Variants in JPH2 observed in about 807,000 individuals in gnomAD.
JPH2 encodes junctophilin-2.
JPH2 carries 38 observed loss-of-function variants against 55.9 expected under a neutral mutation model. That is an observed-to-expected ratio of 0.68 (90% CI 0.52 to 0.89). The LOEUF is 0.89. Among genes scored for constraint, JPH2 ranks in the 40% least tolerant of loss-of-function variants. The probability of loss-of-function intolerance (pLI) is 0.00; values close to 1 mark genes in which losing one functional copy is unlikely to be tolerated. For synonymous variants in JPH2, 480 were observed against 472.4 expected (o/e 1.02, Z -0.21); for missense variants, 964 against 1,037.6 (o/e 0.93, Z 0.97).
intron 2 of JPH2, among the ~76,000 whole-genome samples, chr20:44,120,154 C>T (rs1206559619): frequency 2.0e-5 from 3 of 152,128 alleles, no homozygotes; most frequent in Non-Finnish European, 4.4e-5. Context: ...ATCCCCACTT[C>T]AGGCTCTACT....
intron 2 of JPH2, among the ~76,000 whole-genome samples, chr20:44,147,692 T>G (rs146004779): frequency 5.0e-4 from 76 of 152,304 alleles, no homozygotes; most frequent in African/African-American, 1.8e-3. Context: ...TGTAAGATCT[T>G]CCTTGGATTT....
chr20:44,153,762 G>A (rs572157189), intron 2 of JPH2, among the ~76,000 whole-genome samples: 4 of 152,330 alleles, frequency 2.6e-5, no homozygotes, highest in South Asian at 2.1e-4. Context: ...TATACCCTTC[G>A]TATAGAGGCT....
At chr20:44,146,711 G>T (rs542630190) in intron 2 of JPH2, among the ~76,000 whole-genome samples, 1 of 152,340 alleles carries the variant, frequency 6.6e-6, no homozygotes, top group South Asian at 2.1e-4. Flanking sequence ...GATATGGGCA[G>T]TTGTTTGGAG....
rs1347316937 is a variant in JPH2, at chr20:44,107,599, G to T, written c.*5919C>A. ...TAGAACCACAGATGGAAAAAACCTG[G>T]GTCCCTGAATCATTATGATGAGGGA... On this transcript the variant is annotated 3_prime_UTR_variant, in exon 6 of 6. Transcript: ENST00000372980. Among the ~76,000 whole-genome samples, 2 of 152,058 alleles carry T rather than the reference G, an allele frequency of 1.3e-5. No homozygotes were observed. Among genetic ancestry groups the T allele is most frequent in the Non-Finnish European group, 2.9e-5 (2 of 68,012 alleles).
chr20:44,141,139 T>C lies in JPH2; in HGVS notation c.1169+18479A>G, dbSNP rs373880667. On this transcript the variant is annotated intron_variant, in intron 2 of 5. Transcript: ENST00000372980. ...TCTGCAAGGATGTTGAGACAGACAT[T>C]GCTAGCTGCTCACCAAATATCCATT... Among the ~76,000 whole-genome samples, 53 of 152,286 alleles carry C rather than the reference T, an allele frequency of 3.5e-4. No homozygotes were observed. The South Asian group carries it at 5.0e-3, about 14-fold the overall frequency.
At chr20:44,130,533 G>A (rs1042390034) in intron 2 of JPH2, among the ~76,000 whole-genome samples, 14 of 152,198 alleles carry the variant, frequency 9.2e-5, no homozygotes, top group African/African-American at 3.4e-4. Flanking sequence ...TGACAGGGAG[G>A]GAACCTCGGG....
At chr20:44,143,954 G>C (rs939207631) in intron 2 of JPH2, among the ~76,000 whole-genome samples, 2 of 152,034 alleles carry the variant, frequency 1.3e-5, no homozygotes, top group Admixed American at 6.6e-5. Context: ...GGGGGTGCTT[G>C]ACTCCCCAAA....
At position 44,110,969 on chromosome 20, in the gene JPH2, C is replaced by A. The variant is rs6073332; in HGVS notation, c.*2549G>T. The stretch of plus-strand genomic sequence containing the variant: ...AGCCTACTGTTGGTTGAGGGACCTT[C>A]TTCTCCAACCCCCTCGCTGGGAACC... On this transcript the variant is annotated 3_prime_UTR_variant, in exon 6 of 6. Transcript: ENST00000372980. Among the ~76,000 whole-genome samples the A allele has an allele frequency of 2.6e-5, 4 of 152,168 alleles. No homozygotes were observed. Among genetic ancestry groups the A allele is most frequent in the African/African-American group, 7.2e-5 (3 of 41,436 alleles).
rs1389691541 is a variant in JPH2, at chr20:44,159,976, C to CGGCGGCCTCTCCCAGGCT, written c.793_810dup (p.Ser265_Ala270dup). On this transcript the variant is annotated inframe_insertion, in exon 2 of 6. Transcript: ENST00000372980. The surrounding 1 kb of genome is among the most constrained non-coding windows in gnomAD (Gnocchi z 5.7). ...AAGGGTGCGGCCTCGTCGGCGCCCT[C>CGGCGGCCTCTCCCAGGCT]GGCGGCCTCTCCCAGGCTGGCGGTG... 4 of 1,592,054 alleles carry CGGCGGCCTCTCCCAGGCT rather than the reference C, an allele frequency of 2.5e-6. No homozygotes were observed. Among genetic ancestry groups the CGGCGGCCTCTCCCAGGCT allele is most frequent in the Non-Finnish European group, 3.4e-6 (4 of 1,173,540 alleles).
At position 44,123,421 on chromosome 20, in the gene JPH2, C is replaced by T. The variant is rs536873842; in HGVS notation, c.1170-4798G>A. On this transcript the variant is annotated intron_variant, in intron 2 of 5. Coordinates refer to ENST00000372980, the MANE Select transcript of JPH2 (RefSeq NM_020433.5). Reference sequence around the variant, plus strand: ...GCTCACTCCTACAGCTGCTCCTACACACAGCGGCTCAGCGAGCTTGCTTAA... The same window carrying T: ...GCTCACTCCTACAGCTGCTCCTACATACAGCGGCTCAGCGAGCTTGCTTAA... Among the ~76,000 whole-genome samples the T allele has an allele frequency of 1.4e-4, 21 of 152,024 alleles. No homozygotes were observed. The South Asian group carries it at 4.1e-3, about 30-fold the overall frequency.
rs1163289254 is a variant in JPH2 at position 44,116,367 on chromosome 20, G to A, written c.1308C>T (p.Arg436=). ...FYQPGPEYQK[R]RLLQEILENS... is the part of the protein sequence containing the mutation. ...TCTCCAGGATCTCCTGCAGCAGCCGGCGCTTCTGATATTCCGGACCTGCCA... is the reference window on the plus strand; with the variant it reads ...TCTCCAGGATCTCCTGCAGCAGCCGACGCTTCTGATATTCCGGACCTGCCA... Residue 436 remains arginine, a synonymous_variant, in exon 4 of 6, where the codon CGC becomes CGT. Coordinates refer to ENST00000372980, the MANE Select transcript of JPH2 (RefSeq NM_020433.5). The A allele has an allele frequency of 6.5e-7, 1 of 1,547,926 alleles. No individual in the cohort carries two copies. The highest frequency in any genetic ancestry group is 2.4e-5 in the East Asian group (1 of 40,878).
At chr20:44,162,785 TATACACACACACAC>T (rs1324719108) in intron 1 of JPH2, among the ~76,000 whole-genome samples, 10 of 49,990 alleles carry the variant, frequency 2.0e-4, no homozygotes, top group African/African-American at 7.9e-4. Flanking sequence ...TATATATATA[TATACACACACACAC>T]ACACACACAC....
At position 44,134,042 on chromosome 20, in the gene JPH2, AT is replaced by A. The variant is rs1348402555; in HGVS notation, c.1170-15420del. 6.2e-3 allele frequency among the ~76,000 whole-genome samples: 59 copies of A among 9,572 alleles called. 19 individuals are homozygous for A. The highest frequency in any genetic ancestry group is 0.017 in the South Asian group (5 of 302). The allele number at this position is 9,572 out of a possible 152,430, so 6.3% of individuals were successfully genotyped here. A position where few individuals can be genotyped will look rare whatever the true frequency, so the allele number is the denominator to read the frequency against. On this transcript the variant is annotated intron_variant, in intron 2 of 5. Coordinates refer to ENST00000372980, the MANE Select transcript of JPH2 (RefSeq NM_020433.5). ...TAAATATATATAAATATATATTTAT[AT>A]ATAAATATATATTTATTATAAATAT...
intron 2 of JPH2, among the ~76,000 whole-genome samples, chr20:44,149,963 G>GA (rs67234498): frequency 0.018 from 205 of 11,326 alleles, no homozygotes; most frequent in African/African-American, 0.027. Context: ...GGCGACAGAG[G>GA]AAAAAAAAAA....
At chr20:44,162,495 A>C (rs2072617983) in intron 1 of JPH2, among the ~76,000 whole-genome samples, 2 of 152,034 alleles carry the variant, frequency 1.3e-5, no homozygotes, top group South Asian at 4.2e-4. Context: ...ACTCACCCTT[A>C]ATCTGGATGG....
chr20:44,139,042 T>A (rs2145861887), intron 2 of JPH2, among the ~76,000 whole-genome samples: 1 of 152,212 alleles, frequency 6.6e-6, no homozygotes, highest in African/African-American at 2.4e-5. Context: ...TGCCCTGGAC[T>A]CCCTCTGAGC....
chr20:44,125,245 T>C (rs1452018166), intron 2 of JPH2, among the ~76,000 whole-genome samples: 1 of 152,192 alleles, frequency 6.6e-6, no homozygotes, highest in African/African-American at 2.4e-5. Flanking sequence ...GTAGTTGTCA[T>C]AGAGACCATA....
intron 2 of JPH2, among the ~76,000 whole-genome samples, chr20:44,140,196 GA>G (rs1461747979): frequency 6.6e-6 from 1 of 152,106 alleles, no homozygotes; most frequent in Non-Finnish European, 1.5e-5. Context: ...TTTAATAAAG[GA>G]AAACACCAGT....
chr20:44,111,249 C>A lies in JPH2; in HGVS notation c.*2269G>T, dbSNP rs1229513921. ...AAACGCAAGAGGGCTTGTAGCAGAGCTAACAGCACCATAGCGTGATAACAA... is the reference window on the plus strand; with the variant it reads ...AAACGCAAGAGGGCTTGTAGCAGAGATAACAGCACCATAGCGTGATAACAA... On this transcript the variant is annotated 3_prime_UTR_variant, in exon 6 of 6. Transcript: ENST00000372980. Among the ~76,000 whole-genome samples, 1 of 152,206 alleles carries A rather than the reference C, an allele frequency of 6.6e-6. No individual in the cohort carries two copies. The highest frequency in any genetic ancestry group is 1.5e-5 in the Non-Finnish European group (1 of 68,044).
Sources: gnomAD v4.1 joint callset for allele counts (sites outside exome capture counted in the v4.1 genomes callset) on GRCh38, gnomAD v4.1.1 for gene constraint, Gnocchi (gnomAD v3.1) non-coding constraint, MANE v1.5 for transcripts, NCBI Gene and HGNC (gene_info 2026-07-23, HGNC 2026-07-21) for gene names.